CADPS: variants seen among roughly 807,000 people sequenced by gnomAD.
CADPS encodes calcium dependent secretion activator.
Under a neutral mutation model 167.3 loss-of-function variants are expected in CADPS, and 57 were observed. The ratio of observed to expected loss-of-function variants is 0.34; its 90% CI spans 0.28 to 0.42. CADPS has a LOEUF of 0.42. Among genes scored for constraint, CADPS ranks in the 20% least tolerant of loss-of-function variants. CADPS has a pLI of 1.00. For missense variants in CADPS, 1,414 were observed against 1,738.1 expected (o/e 0.81, Z 3.32); for synonymous variants, 676 against 635.3 (o/e 1.06, Z -0.96).
At chr3:62,826,834 G>A (rs1349226062) in intron 1 of CADPS, among the ~76,000 whole-genome samples, 1 of 152,144 alleles carries the variant, frequency 6.6e-6, no homozygotes, top group Non-Finnish European at 1.5e-5. Flanking sequence ...TGCTATTTAG[G>A]TGCAGCATCT....
chr3:62,695,830 T>C (rs78505710), intron 3 of CADPS, among the ~76,000 whole-genome samples: 9,317 of 152,076 alleles, frequency 0.061, 336 homozygotes, highest in South Asian at 0.094. Flanking sequence ...ACTGTGACTA[T>C]AGGCATGAGC....
At chr3:62,445,723 A>AC (rs2057105511) in intron 27 of CADPS, 42 bp downstream of exon 27, 2 of 1,408,798 alleles carry the variant, frequency 1.4e-6, no homozygotes, top group Admixed American at 2.4e-5. Context: ...AAAAAAAAAA[A>AC]AAACAAAAAA....
intron 9 of CADPS, among the ~76,000 whole-genome samples, chr3:62,563,494 G>T (rs1163900225): frequency 1.3e-5 from 2 of 152,118 alleles, no homozygotes; most frequent in Admixed American, 6.5e-5. Context: ...GGTTCTATCT[G>T]AGTAATTCAG....
At chr3:62,769,000 A>G (rs1055241867) in intron 1 of CADPS, among the ~76,000 whole-genome samples, 1 of 151,996 alleles carries the variant, frequency 6.6e-6, no homozygotes, top group African/African-American at 2.4e-5. Flanking sequence ...TACTTTTCTC[A>G]CCGCTAATTC....
At chr3:62,776,445 G>T (rs896045076) in intron 1 of CADPS, among the ~76,000 whole-genome samples, 2 of 152,216 alleles carry the variant, frequency 1.3e-5, no homozygotes, top group Admixed American at 6.5e-5. Context: ...ACGAGGTCAG[G>T]AGATCAAGAC....
At chr3:62,739,077 C>T (rs149795971) in intron 3 of CADPS, among the ~76,000 whole-genome samples, 3 of 152,278 alleles carry the variant, frequency 2.0e-5, no homozygotes, top group East Asian at 3.9e-4. Flanking sequence ...TGTTTCTCCT[C>T]GCTTGAATTT....
intron 26 of CADPS, among the ~76,000 whole-genome samples, chr3:62,447,187 C>A (rs1450854204): frequency 6.6e-6 from 1 of 152,156 alleles, no homozygotes; most frequent in Non-Finnish European, 1.5e-5. Flanking sequence ...GCCTTGGTTT[C>A]CAGATTTCTA....
chr3:62,578,427 G>A (rs920378281), intron 8 of CADPS, among the ~76,000 whole-genome samples: 6 of 151,768 alleles, frequency 4.0e-5, no homozygotes, highest in South Asian at 2.1e-4. Flanking sequence ...TGGCTAGCAC[G>A]GTGAAACCCT....
chr3:62,534,835 T>G (rs550017608), intron 12 of CADPS, among the ~76,000 whole-genome samples: 1 of 152,130 alleles, frequency 6.6e-6, no homozygotes, highest in South Asian at 2.1e-4. Context: ...GGTATACAAA[T>G]GGGGAAGGAA....
chr3:62,874,498 C>A lies in CADPS; in HGVS notation c.441+91G>T. Reference sequence around the variant, plus strand: ...CGCGGTCTCCACCTCTCCTGCTCCTCCTCGCCAGCTGCGCCGCCAGCTCCC... The same window carrying A: ...CGCGGTCTCCACCTCTCCTGCTCCTACTCGCCAGCTGCGCCGCCAGCTCCC... On this transcript the variant is annotated intron_variant, in intron 1 of 29. Coordinates refer to ENST00000383710, the MANE Select transcript of CADPS (RefSeq NM_003716.4). The surrounding 1 kb of genome is among the most constrained non-coding windows in gnomAD (Gnocchi z 7.1). 1 of 1,023,796 alleles carries A rather than the reference C, an allele frequency of 9.8e-7. No homozygotes were observed. The highest frequency in any genetic ancestry group is 1.4e-6 in the Non-Finnish European group (1 of 690,604). The allele number at this position is 1,023,796 out of a possible 1,614,324, so 63.4% of individuals were successfully genotyped here.
chr3:62,610,290 A>C (rs2061328738), intron 6 of CADPS, among the ~76,000 whole-genome samples: 2 of 142,268 alleles, frequency 1.4e-5, no homozygotes, highest in African/African-American at 2.6e-5. Context: ...TTACTCTGTC[A>C]CCCCAGCTGG....
chr3:62,609,539 C>A (rs1438920854), intron 6 of CADPS, among the ~76,000 whole-genome samples: 3 of 152,138 alleles, frequency 2.0e-5, no homozygotes, highest in Non-Finnish European at 2.9e-5. Flanking sequence ...TAGATGGCCT[C>A]ATTTGAGTCT....
At chr3:62,760,072 C>A (rs904443321) in intron 2 of CADPS, among the ~76,000 whole-genome samples, 1 of 152,062 alleles carries the variant, frequency 6.6e-6, no homozygotes, top group Non-Finnish European at 1.5e-5. Flanking sequence ...GCCCTTTTCC[C>A]CTGCTCCATC....
At chr3:62,614,101 A>T (rs564945401) in intron 6 of CADPS, among the ~76,000 whole-genome samples, 2 of 152,318 alleles carry the variant, frequency 1.3e-5, no homozygotes, top group Non-Finnish European at 2.9e-5. Flanking sequence ...CACTACCATC[A>T]TCATCAATTC....
rs556723207 is a variant in CADPS, at chr3:62,455,670, C to G, written c.3636+9697G>C. On this transcript the variant is annotated intron_variant, in intron 26 of 29. Transcript: ENST00000383710. The surrounding 1 kb of genome is among the most constrained non-coding windows in gnomAD (Gnocchi z 4.4). ...CGGATTTTAAGTGGGGGCCCCTGCC[C>G]CCTTCTGGCATTTTTGTGTTTTGTT... Among the ~76,000 whole-genome samples, 1 of 152,152 alleles carries G rather than the reference C, an allele frequency of 6.6e-6. No individual in the cohort carries two copies. Among genetic ancestry groups the G allele is most frequent in the Non-Finnish European group, 1.5e-5 (1 of 68,042 alleles).
chr3:62,696,921 C>T (rs1449222937), intron 3 of CADPS, among the ~76,000 whole-genome samples: 1 of 152,026 alleles, frequency 6.6e-6, no homozygotes, highest in East Asian at 1.9e-4. Context: ...GTGATAAAGG[C>T]TGACATATGT....
intron 3 of CADPS, among the ~76,000 whole-genome samples, chr3:62,696,935 G>A (rs1264346040): frequency 6.6e-6 from 1 of 151,986 alleles, no homozygotes; most frequent in Non-Finnish European, 1.5e-5. Flanking sequence ...CATATGTACA[G>A]TACCCTAATA....
chr3:62,496,678 T>C (rs1405791503), intron 18 of CADPS, among the ~76,000 whole-genome samples: 1 of 152,098 alleles, frequency 6.6e-6, no homozygotes, highest in Admixed American at 6.6e-5. Flanking sequence ...ATGAGAGAAG[T>C]TATACTGGAA....
chr3:62,738,575 A>T (rs931370696), intron 3 of CADPS, among the ~76,000 whole-genome samples: 2 of 151,996 alleles, frequency 1.3e-5, no homozygotes, highest in African/African-American at 4.8e-5. Flanking sequence ...AGTACAAAAA[A>T]ATTAACTGAG....
Sources: gnomAD v4.1 joint callset for allele counts (sites outside exome capture counted in the v4.1 genomes callset) on GRCh38, gnomAD v4.1.1 for gene constraint, Gnocchi (gnomAD v3.1) non-coding constraint, MANE v1.5 for transcripts, NCBI Gene and HGNC (gene_info 2026-07-23, HGNC 2026-07-21) for gene names.